RBFOX3: variants seen among roughly 807,000 people sequenced by gnomAD.
RBFOX3 encodes the protein RNA binding protein fox-1 homolog 3.
RBFOX3 carries 17 observed loss-of-function variants against 48.7 expected under a neutral mutation model. The observed-to-expected ratio is 0.35, with a 90% CI of 0.24 to 0.52. RBFOX3 has a LOEUF of 0.52. RBFOX3 is among the 20% of genes least tolerant of loss of function. The pLI, the probability that RBFOX3 is intolerant of heterozygous loss-of-function variation, is 0.94. For synonymous variants in RBFOX3, 212 were observed against 209.5 expected, an observed-to-expected ratio of 1.01 and a Z score of -0.10; for missense variants, 382 against 497.5, an observed-to-expected ratio of 0.77 and a Z score of 2.21.
At chr17:79,106,136 C>T (rs946749600) in intron 6 of RBFOX3, among the ~76,000 whole-genome samples, 3 of 152,114 alleles carry the variant, frequency 2.0e-5, no homozygotes, top group African/African-American at 7.2e-5. Context: ...CCTGGGGGCC[C>T]GGGGGACACA....
chr17:79,596,533 C>A (rs970139593), intron 1 of RBFOX3, among the ~76,000 whole-genome samples: 9 of 152,210 alleles, frequency 5.9e-5, no homozygotes, highest in African/African-American at 2.2e-4. Context: ...CCACCGTGGG[C>A]CCAGCCAGGC....
chr17:79,188,796 A>G (rs1012189587), intron 4 of RBFOX3, among the ~76,000 whole-genome samples: 3 of 152,260 alleles, frequency 2.0e-5, no homozygotes, highest in Non-Finnish European at 1.5e-5. Flanking sequence ...GAAAGCAGCC[A>G]GCACTGTGAT....
intron 5 of RBFOX3, among the ~76,000 whole-genome samples, chr17:79,110,497 C>T (rs1190810211): frequency 6.6e-6 from 1 of 152,246 alleles, no homozygotes; most frequent in Non-Finnish European, 1.5e-5. Context: ...CGGAACCAAG[C>T]TGTGCTGCTG....
intron 1 of RBFOX3, chr17:79,600,110 C>T (rs1224742039): frequency 6.6e-6 from 1 of 152,224 alleles, no homozygotes; most frequent in Non-Finnish European, 1.5e-5. Flanking sequence ...GGCAGCCTTG[C>T]AGAGGGGCGT....
chr17:79,500,521 T>C (rs2082249082), intron 1 of RBFOX3, among the ~76,000 whole-genome samples: 2 of 152,194 alleles, frequency 1.3e-5, no homozygotes, highest in Admixed American at 1.3e-4. Context: ...CCTCCCAAAG[T>C]GCTGGGATTA....
chr17:79,238,609 G>A (rs1310083805), intron 3 of RBFOX3, among the ~76,000 whole-genome samples: 1 of 152,230 alleles, frequency 6.6e-6, no homozygotes, highest in East Asian at 1.9e-4. Flanking sequence ...AGCCCAGATG[G>A]GAGCTGGCAG....
rs570677974 is a variant in RBFOX3, at chr17:79,139,616, G to A, written c.-33-23868C>T. Reference sequence around the variant, plus strand: ...GAGCCAGGGAGGAGGATGCACTGCCGGCCAGACTCTCCTGTGGGTGGGCAC... The same window carrying A: ...GAGCCAGGGAGGAGGATGCACTGCCAGCCAGACTCTCCTGTGGGTGGGCAC... On this transcript the variant is annotated intron_variant, in intron 4 of 14. Coordinates refer to ENST00000693108, the MANE Select transcript of RBFOX3 (RefSeq NM_001350451.2). 1.0e-3 allele frequency among the ~76,000 whole-genome samples: 154 copies of A among 152,318 alleles called. 1 individual carries two copies. The highest frequency in any genetic ancestry group is 3.4e-3 in the African/African-American group (143 of 41,564).
chr17:79,302,633 G>A (rs1371283434), intron 3 of RBFOX3, among the ~76,000 whole-genome samples: 2 of 151,906 alleles, frequency 1.3e-5, no homozygotes, highest in African/African-American at 4.8e-5. Context: ...CTCCAGCCTG[G>A]GCAACAAGAG....
intron 2 of RBFOX3, among the ~76,000 whole-genome samples, chr17:79,417,011 G>C (rs12943496): frequency 0.31 from 46,530 of 152,112 alleles, 7,319 homozygotes; most frequent in Middle Eastern, 0.41. Flanking sequence ...AGCAGGGTTC[G>C]CATGGCAGGG....
intron 2 of RBFOX3, among the ~76,000 whole-genome samples, chr17:79,455,875 T>C (rs2074387722): frequency 6.6e-6 from 1 of 152,192 alleles, no homozygotes; most frequent in Non-Finnish European, 1.5e-5. Context: ...GCCACCCAGG[T>C]GTCCAGTGCT....
the RBFOX3 span, among the ~76,000 whole-genome samples, chr17:79,632,146 A>T: frequency 4.4e-3 from 676 of 152,368 alleles, 7 homozygotes; most frequent in African/African-American, 0.016. Flanking sequence ...GGAGAACAAG[A>T]GCTAATTAAA....
At chr17:79,455,432 C>T (rs2074307431) in intron 2 of RBFOX3, among the ~76,000 whole-genome samples, 1 of 152,106 alleles carries the variant, frequency 6.6e-6, no homozygotes, top group Non-Finnish European at 1.5e-5. Context: ...CAGATGAGCC[C>T]AGGAGAGTGG....
chr17:79,310,689 G>A (rs1216047927), intron 2 of RBFOX3, among the ~76,000 whole-genome samples: 2 of 152,332 alleles, frequency 1.3e-5, no homozygotes, highest in Admixed American at 6.5e-5. Flanking sequence ...CCCTTCTGTG[G>A]AGGGAGCACC....
At chr17:79,585,973 C>T (rs1239823518) in intron 1 of RBFOX3, among the ~76,000 whole-genome samples, 1 of 152,250 alleles carries the variant, frequency 6.6e-6, no homozygotes, top group Non-Finnish European at 1.5e-5. Flanking sequence ...ACCAGCCTTC[C>T]CATCTCCCAG....
At chr17:79,104,866 G>A (rs2077075308) in intron 6 of RBFOX3, among the ~76,000 whole-genome samples, 1 of 152,152 alleles carries the variant, frequency 6.6e-6, no homozygotes, top group Admixed American at 6.5e-5. Flanking sequence ...CTTCCGCCCA[G>A]GCCCCCGGGA....
rs1407222470 is a variant in RBFOX3, at chr17:79,482,931, G to T, written c.-319-333C>A. 3.3e-5 allele frequency among the ~76,000 whole-genome samples: 5 copies of T among 151,566 alleles called. No homozygotes were observed. The highest frequency in any genetic ancestry group is 1.2e-4 in the African/African-American group (5 of 41,174). Reference sequence around the variant, plus strand: ...AGGGACTCTTCCACCCCACCACGCTGGCCCCTCCCCATCGCCTTTCCCACT... The same window carrying T: ...AGGGACTCTTCCACCCCACCACGCTTGCCCCTCCCCATCGCCTTTCCCACT... On this transcript the variant is annotated intron_variant, in intron 1 of 14. Coordinates refer to ENST00000693108, the MANE Select transcript of RBFOX3 (RefSeq NM_001350451.2). This position sits in a 1 kb window ranked among gnomAD's most constrained non-coding sequence, Gnocchi z 4.1.
At chr17:79,615,910 G>C (rs895744153), upstream of RBFOX3, among the ~76,000 whole-genome samples, 150,580 of 152,278 alleles carry the variant, frequency 0.99, 74,470 homozygotes, top group Non-Finnish European at 1. Context: ...GTTTCACATT[G>C]TCTTCTCCCA....
chr17:79,320,579 A>G (rs34072823), intron 2 of RBFOX3, among the ~76,000 whole-genome samples: 2,554 of 152,272 alleles, frequency 0.017, 36 homozygotes, highest in Middle Eastern at 0.041. Context: ...AACCAGCTCT[A>G]CTGCCAGAAT....
chr17:79,608,450 A>C (rs1172549660), intron 1 of RBFOX3, among the ~76,000 whole-genome samples: 1 of 152,140 alleles, frequency 6.6e-6, no homozygotes, highest in African/African-American at 2.4e-5. Context: ...GGATCAAAGC[A>C]ATCACCCAGG....
Sources: gnomAD v4.1 joint callset for allele counts (sites outside exome capture counted in the v4.1 genomes callset) on GRCh38, gnomAD v4.1.1 for gene constraint, Gnocchi (gnomAD v3.1) non-coding constraint, MANE v1.5 for transcripts, NCBI Gene and HGNC (gene_info 2026-07-23, HGNC 2026-07-21) for gene names.